Variants in ANKRD44 observed in about 807,000 individuals in gnomAD.
The protein encoded by ANKRD44 is serine/threonine-protein phosphatase 6 regulatory ankyrin repeat subunit B.
In ANKRD44, 35 loss-of-function variants were observed where a neutral mutation model predicts 116.0. That is an observed-to-expected ratio of 0.30 (90% CI 0.23 to 0.40). The LOEUF (loss-of-function observed/expected upper bound fraction) is 0.40, where lower values mean the gene tolerates loss of function less well. ANKRD44 is among the 10% of genes least tolerant of loss of function. The probability of loss-of-function intolerance (pLI) is 1.00; values close to 1 mark genes in which losing one functional copy is unlikely to be tolerated. For missense variants in ANKRD44, 1,014 were observed against 1,242.6 expected (o/e 0.82, Z 2.77); for synonymous variants, 435 against 461.8 (o/e 0.94, Z 0.74).
At chr2:197,083,812 C>T (rs1375221510) in intron 13 of ANKRD44, among the ~76,000 whole-genome samples, 1 of 152,160 alleles carries the variant, frequency 6.6e-6, no homozygotes, top group East Asian at 1.9e-4. Context: ...GATTTTGGAG[C>T]ATTTCAGAGT....
chr2:197,240,972 T>C (rs1574340921), intron 1 of ANKRD44, among the ~76,000 whole-genome samples: 1 of 152,044 alleles, frequency 6.6e-6, no homozygotes, highest in Non-Finnish European at 1.5e-5. Flanking sequence ...AGCATCTTAC[T>C]GAACATGAAT....
At chr2:197,122,956 T>C (rs1009322977) in intron 6 of ANKRD44, among the ~76,000 whole-genome samples, 164 bp from the exon 7 acceptor site, 15 of 152,224 alleles carry the variant, frequency 9.9e-5, no homozygotes, top group African/African-American at 3.4e-4. Flanking sequence ...ATTTATTGAG[T>C]ACCTCCTATA....
At chr2:197,140,423 A>C (rs2079332989) in intron 3 of ANKRD44, among the ~76,000 whole-genome samples, 1 of 151,982 alleles carries the variant, frequency 6.6e-6, no homozygotes, top group Non-Finnish European at 1.5e-5. Flanking sequence ...GGCTCAAGCA[A>C]TCCTCCTGCC....
chr2:197,168,318 A>C (rs1574595533), intron 2 of ANKRD44, among the ~76,000 whole-genome samples: 1 of 152,232 alleles, frequency 6.6e-6, no homozygotes, highest in South Asian at 2.1e-4. Flanking sequence ...TTATACTGCA[A>C]TAGTAAAAGT....
intron 10 of ANKRD44, among the ~76,000 whole-genome samples, chr2:197,097,807 T>C (rs1264124321): frequency 6.6e-6 from 1 of 152,216 alleles, no homozygotes; most frequent in East Asian, 1.9e-4. Context: ...CTACGCCCAC[T>C]TAGAATTCTT....
At chr2:197,198,774 C>T (rs534758694) in intron 1 of ANKRD44, 8 of 152,076 alleles carry the variant, frequency 5.3e-5, no homozygotes, top group Non-Finnish European at 1.2e-4. Flanking sequence ...GCCTGGGCGA[C>T]AGCAAGACTC....
chr2:197,068,399 A>T (rs202191245), intron 16 of ANKRD44, among the ~76,000 whole-genome samples: 8 of 73,222 alleles, frequency 1.1e-4, no homozygotes, highest in Middle Eastern at 6.8e-3. Context: ...AAAAAAAAAT[A>T]AAAATAAAAT....
intron 1 of ANKRD44, among the ~76,000 whole-genome samples, chr2:197,265,712 C>T (rs1445033078): frequency 6.6e-6 from 1 of 151,968 alleles, no homozygotes; most frequent in Admixed American, 6.6e-5. Context: ...CATTTATGAA[C>T]AAAGCATATT....
chr2:197,174,471 A>C (rs1313223545), intron 2 of ANKRD44, among the ~76,000 whole-genome samples: 1 of 152,248 alleles, frequency 6.6e-6, no homozygotes, highest in Non-Finnish European at 1.5e-5. Context: ...AGACCATACA[A>C]ACTGTTCACA....
At chr2:197,068,670 A>G (rs1358148838) in intron 16 of ANKRD44, among the ~76,000 whole-genome samples, 2 of 152,202 alleles carry the variant, frequency 1.3e-5, no homozygotes, top group Non-Finnish European at 2.9e-5. Context: ...GACAGAAAAC[A>G]TTTATGCAGC....
intron 2 of ANKRD44, among the ~76,000 whole-genome samples, chr2:197,148,099 A>G (rs1002810268): frequency 2.6e-5 from 4 of 152,158 alleles, no homozygotes; most frequent in African/African-American, 9.7e-5. Flanking sequence ...AATAAAATCT[A>G]CCTTAGAGGA....
chr2:197,254,352 C>T (rs2082391316), intron 1 of ANKRD44, among the ~76,000 whole-genome samples: 1 of 152,108 alleles, frequency 6.6e-6, no homozygotes, highest in Non-Finnish European at 1.5e-5. Context: ...CCACTACACT[C>T]CAGCCTGAGC....
intron 16 of ANKRD44, among the ~76,000 whole-genome samples, chr2:197,073,659 A>G (rs1302459604): frequency 2.0e-5 from 3 of 152,102 alleles, no homozygotes; most frequent in Admixed American, 2.0e-4. Context: ...TCCCTCCCTT[A>G]AGGTTGGGGT....
At chr2:197,253,642 T>A (rs536170233) in intron 1 of ANKRD44, among the ~76,000 whole-genome samples, 1 of 152,222 alleles carries the variant, frequency 6.6e-6, no homozygotes, top group Non-Finnish European at 1.5e-5. Context: ...CATCTCCATA[T>A]GTCAATTCTT....
At chr2:197,063,362 G>A (rs2077359320) in intron 16 of ANKRD44, among the ~76,000 whole-genome samples, 1 of 152,176 alleles carries the variant, frequency 6.6e-6, no homozygotes, top group Non-Finnish European at 1.5e-5. Context: ...AAAAAACAGA[G>A]CAGAAAAGCT....
intron 21 of ANKRD44, among the ~76,000 whole-genome samples, chr2:196,978,836 T>G (rs1205099459): frequency 1.3e-5 from 2 of 151,314 alleles, no homozygotes; most frequent in Non-Finnish European, 3.0e-5. Flanking sequence ...GGGCCATAGT[T>G]TACCAACTCT....
intron 17 of ANKRD44, among the ~76,000 whole-genome samples, chr2:197,020,377 G>A (rs1434103972): frequency 6.6e-6 from 1 of 152,192 alleles, no homozygotes; most frequent in Non-Finnish European, 1.5e-5. Flanking sequence ...CTTAAAGACA[G>A]AATGGTTGAG....
At chr2:197,165,392 T>C (rs560334535) in intron 2 of ANKRD44, among the ~76,000 whole-genome samples, 2 of 152,336 alleles carry the variant, frequency 1.3e-5, no homozygotes, top group South Asian at 4.1e-4. Flanking sequence ...CCTTCATCTT[T>C]AGTGAACAAA....
At position 196,993,628 on chromosome 2, in the gene ANKRD44, C is replaced by T. The variant is rs904275227; in HGVS notation, c.2878G>A (p.Glu960Lys). The change falls in exon 27 of 28, where the codon GAG becomes AAG. Residue 960 changes from glutamate (E) to lysine (K), a missense_variant. By Grantham distance (56) the Glu-to-Lys change is moderately conservative (BLOSUM62 1). Coordinates refer to ENST00000282272, the MANE Select transcript of ANKRD44 (RefSeq NM_001195144.2). ...ACACAGGCCCCTTTGGCCAGCAACTCCTCAACTACCACCTTTAAGCCATTG... is the reference window on the plus strand; with the variant it reads ...ACACAGGCCCCTTTGGCCAGCAACTTCTCAACTACCACCTTTAAGCCATTG... Reference protein sequence around the residue: ...ARNGLKVVVEELLAKGACVLA... With the variant: ...ARNGLKVVVEKLLAKGACVLA... The T allele has an allele frequency of 5.2e-6, 8 of 1,550,952 alleles. No individual in the cohort carries two copies. The highest frequency in any genetic ancestry group is 7.0e-6 in the Non-Finnish European group (8 of 1,147,108).
Sources: allele counts gnomAD v4.1 joint callset (sites outside exome capture counted in the v4.1 genomes callset), GRCh38; gene constraint gnomAD v4.1.1; transcripts MANE v1.5; gene names NCBI Gene and HGNC (gene_info 2026-07-23, HGNC 2026-07-21).